Variants in ZFPM1 observed in about 807,000 individuals in gnomAD.
ZFPM1 encodes zinc finger protein ZFPM1.
In ZFPM1, 28 loss-of-function variants were observed where a neutral mutation model predicts 46.3. The ratio of observed to expected loss-of-function variants is 0.60; its 90% CI spans 0.45 to 0.83. The LOEUF (loss-of-function observed/expected upper bound fraction) is 0.83, where lower values mean the gene tolerates loss of function less well. ZFPM1 is among the 40% of genes least tolerant of loss of function. ZFPM1 has a pLI of 0.00. For synonymous variants in ZFPM1, 957 were observed against 675.9 expected, an observed-to-expected ratio of 1.42 and a Z score of -6.45; for missense variants, 1,878 against 1,432.4, an observed-to-expected ratio of 1.31 and a Z score of -5.02.
At chr16:88,452,514 A>G (rs992549388), upstream of ZFPM1, among the ~76,000 whole-genome samples, 3 of 152,208 alleles carry the variant, frequency 2.0e-5, no homozygotes, top group Non-Finnish European at 2.9e-5. Context: ...GTCTGAGCTC[A>G]CAGGGGAAGA....
Position 88,534,200 on chromosome 16 carries a change from G to A in ZFPM1, c.2242G>A (p.Glu748Lys), listed in dbSNP as rs1322185248. 4.1e-6 allele frequency: 4 copies of A among 978,332 alleles called. No individual in the cohort carries two copies. Among genetic ancestry groups the A allele is most frequent in the African/African-American group, 1.8e-5 (1 of 54,260 alleles). 60.6% of individuals were successfully genotyped at this position (978,332 alleles called of 1,614,324 possible). Residue 748 changes from glutamate (E) to lysine (K), a missense_variant, in exon 10 of 10, where the codon GAG becomes AAG. Glu to Lys is a moderately conservative substitution (Grantham distance 56, BLOSUM62 1). Transcript: ENST00000319555. ...VRTRRRRKLY[E>K]LHAAGAPPPP... ...CACGCGCAGACGCCGCAAGCTCTAC[G>A]AGCTGCACGCGGCCGGCGCCCCGCC...
Position 88,533,218 on chromosome 16 carries a change from G to T in ZFPM1, c.1260G>T (p.Leu420=). The change falls in exon 10 of 10, where the codon CTG becomes CTT. Residue 420 remains leucine, a synonymous_variant. Coordinates refer to ENST00000319555, the MANE Select transcript of ZFPM1 (RefSeq NM_153813.3). The part of the protein sequence containing the change: ...QGPLASADLG[L]APTPSPGLDR... ...CCCTGGCCTCCGCGGACCTGGGCCT[G>T]GCGCCCACCCCATCGCCAGGACTGG... is the stretch of plus-strand genomic sequence containing the variant. 1 of 1,562,130 alleles carries T rather than the reference G, an allele frequency of 6.4e-7. No individual in the cohort carries two copies. Among genetic ancestry groups the T allele is most frequent in the East Asian group, 2.3e-5 (1 of 43,300 alleles).
At position 88,473,695 on chromosome 16, in the gene ZFPM1, G is replaced by A. The variant is rs111773846; in HGVS notation, c.41-12244G>A. On this transcript the variant is annotated intron_variant, in intron 1 of 9. Coordinates refer to ENST00000319555, the MANE Select transcript of ZFPM1 (RefSeq NM_153813.3). ...TATCACCCATCTGGGGAGGGGGGTCGCTCCCCAGCCCAGATTCTCGGGGCC... is the reference window on the plus strand; with the variant it reads ...TATCACCCATCTGGGGAGGGGGGTCACTCCCCAGCCCAGATTCTCGGGGCC... Among the ~76,000 whole-genome samples the A allele has an allele frequency of 1.3e-4, 20 of 152,202 alleles. 1 individual carries two copies. The highest frequency in any genetic ancestry group is 3.6e-4 in the African/African-American group (15 of 41,538).
At chr16:88,526,985 T>C in intron 5 of ZFPM1, 69 bp downstream of exon 5, 6 of 1,503,766 alleles carry the variant, frequency 4.0e-6, no homozygotes, top group Non-Finnish European at 5.4e-6. Context: ...CCCCCTGGGC[T>C]GAGCCCTTAA....
chr16:88,473,023 GGGCGCAGGCCCTGCGGCGCTGCCGTCC>G (rs1908497577), intron 1 of ZFPM1, among the ~76,000 whole-genome samples: 4 of 152,264 alleles, frequency 2.6e-5, no homozygotes, highest in Admixed American at 2.6e-4. Context: ...CAGGAGGTCT[GGGCGCAGGCCCTGCGGCGCTGCCGTCC>G]CCCGTGGGAC....
chr16:88,526,809 C>A lies in ZFPM1; in HGVS notation c.403-5C>A, dbSNP rs370003792. 7.3e-5 allele frequency: 113 copies of A among 1,545,826 alleles called. 2 individuals carry two copies. Among genetic ancestry groups the A allele is most frequent in the Middle Eastern group, 1.8e-4 (1 of 5,584 alleles). On this transcript the variant is annotated splice_polypyrimidine_tract_variant and splice_region_variant and intron_variant, in intron 4 of 9. Coordinates refer to ENST00000319555, the MANE Select transcript of ZFPM1 (RefSeq NM_153813.3). ...TCCCCACGTGTTCCTACCCTCCCCC[C>A]CCAGAGCCCAGCCCTGACCCTGCTG...
At chr16:88,532,332 G>A in intron 7 of ZFPM1, 97 bp downstream of exon 7, 6 of 1,223,860 alleles carry the variant, frequency 4.9e-6, no homozygotes, top group Non-Finnish European at 6.8e-6. Flanking sequence ...AAGCACACAC[G>A]GTGCCACCAT....
chr16:88,516,806 G>A (rs892444134), intron 4 of ZFPM1, among the ~76,000 whole-genome samples: 4 of 152,144 alleles, frequency 2.6e-5, no homozygotes, highest in African/African-American at 7.2e-5. Flanking sequence ...TGTAGAAGGA[G>A]AAGGGGGAGG....
chr16:88,523,887 C>T (rs1293249530), intron 4 of ZFPM1, among the ~76,000 whole-genome samples: 1 of 152,206 alleles, frequency 6.6e-6, no homozygotes. Flanking sequence ...CCCGTCGCGC[C>T]CCACATACGC....
At chr16:88,501,015 C>G (rs746910733) in intron 3 of ZFPM1, among the ~76,000 whole-genome samples, 1 of 151,674 alleles carries the variant, frequency 6.6e-6, no homozygotes, top group Non-Finnish European at 1.5e-5. Context: ...ACTTCTCCAC[C>G]TCCTCCTGCC....
intron 3 of ZFPM1, among the ~76,000 whole-genome samples, chr16:88,501,533 G>A (rs1274586550): frequency 3.4e-5 from 5 of 145,266 alleles, no homozygotes; most frequent in Admixed American, 6.8e-5. Flanking sequence ...GCAGACATGG[G>A]TGCGTGGGCC....
Position 88,534,695 on chromosome 16 carries a change from G to A in ZFPM1, c.2737G>A (p.Gly913Arg). 1.0e-6 allele frequency: 1 copy of A among 971,606 alleles called. No homozygotes were observed. Among genetic ancestry groups the A allele is most frequent in the Non-Finnish European group, 1.2e-6 (1 of 825,484 alleles). The allele number at this position is 971,606 out of a possible 1,614,324, so 60.2% of individuals were successfully genotyped here. Residue 913 changes from glycine to arginine, a missense_variant, in exon 10 of 10, where the codon GGG (glycine) becomes AGG (arginine). Physicochemically the swap from Gly to Arg is moderately radical, Grantham distance 125 (BLOSUM62 -2). Coordinates refer to ENST00000319555, the MANE Select transcript of ZFPM1 (RefSeq NM_153813.3). ...CGCCCCCGCCGCCTCCCCGCAGCCC[G>A]GGTCCCGTGGCCCCCGGGACGGCCT... ...APAPAASPQP[G>R]SRGPRDGLGP... is the part of the protein sequence containing the mutation.
chr16:88,503,079 C>A (rs1011638032), intron 3 of ZFPM1, among the ~76,000 whole-genome samples: 3 of 152,244 alleles, frequency 2.0e-5, no homozygotes, highest in Non-Finnish European at 4.4e-5. Context: ...TGGATGAGCA[C>A]GGCGCCCCTG....
intron 3 of ZFPM1, among the ~76,000 whole-genome samples, chr16:88,492,480 G>T (rs1909635042): frequency 6.6e-6 from 1 of 152,232 alleles, no homozygotes; most frequent in South Asian, 2.1e-4. Flanking sequence ...TGGCTTTGGG[G>T]AGGTGACTGG....
rs769069305 is a variant in ZFPM1 at position 88,489,024 on chromosome 16, T to C, written c.146-7T>C. 39 of 1,610,944 alleles carry C rather than the reference T, an allele frequency of 2.4e-5. No individual in the cohort carries two copies. The highest frequency in any genetic ancestry group is 2.0e-4 in the South Asian group (18 of 90,930). The stretch of plus-strand genomic sequence containing the variant: ...GCAGGGATGTGACGGTGTTTTCCTC[T>C]CTGCAGATGTTAACTCACCCCCACC... On this transcript the variant is annotated splice_polypyrimidine_tract_variant and splice_region_variant and intron_variant, in intron 2 of 9. Transcript: ENST00000319555.
chr16:88,455,996 C>G (rs575932513), intron 1 of ZFPM1, among the ~76,000 whole-genome samples: 10 of 152,290 alleles, frequency 6.6e-5, no homozygotes, highest in Middle Eastern at 3.4e-3. Flanking sequence ...GAGGCCTTAT[C>G]TTTGGCCACC....
chr16:88,513,235 CT>C (rs1911077955), intron 3 of ZFPM1: 2 of 152,198 alleles, frequency 1.3e-5, no homozygotes. Context: ...TCTTCCCTTC[CT>C]GGGGGCTGAT....
At chr16:88,488,890 G>C in intron 2 of ZFPM1, 141 bp from the exon 3 acceptor site, 3 of 1,299,086 alleles carry the variant, frequency 2.3e-6, no homozygotes, top group Non-Finnish European at 2.1e-6. Context: ...CCCAGTGAGA[G>C]CGCACCAGGA....
chr16:88,468,750 G>C (rs935964576), intron 1 of ZFPM1, among the ~76,000 whole-genome samples: 8 of 152,112 alleles, frequency 5.3e-5, no homozygotes, highest in Non-Finnish European at 1.0e-4. Context: ...GCAGCCAATG[G>C]AAATGGGGTA....
Sources: allele counts gnomAD v4.1 joint callset (sites outside exome capture counted in the v4.1 genomes callset), GRCh38; gene constraint gnomAD v4.1.1; transcripts MANE v1.5; gene names NCBI Gene and HGNC (gene_info 2026-07-23, HGNC 2026-07-21).